Variants in XPNPEP3 observed in about 807,000 individuals in gnomAD.
The protein encoded by XPNPEP3 is X-prolyl aminopeptidase 3, also known as xaa-Pro aminopeptidase 3.
XPNPEP3 carries 41 observed loss-of-function variants against 60.0 expected under a neutral mutation model. The observed-to-expected ratio is 0.68, with a 90% CI of 0.53 to 0.89. XPNPEP3 has a LOEUF of 0.89. XPNPEP3 is among the 40% of genes least tolerant of loss of function. XPNPEP3 has a pLI of 0.00. For missense variants in XPNPEP3, 598 were observed against 638.9 expected (o/e 0.94, Z 0.69); for synonymous variants, 212 against 223.2 (o/e 0.95, Z 0.45).
At chr22:40,892,279 G>A (rs2058091263) in intron 4 of XPNPEP3, among the ~76,000 whole-genome samples, 1 of 152,046 alleles carries the variant, frequency 6.6e-6, no homozygotes, top group African/African-American at 2.4e-5. Flanking sequence ...CCGCCTCCCA[G>A]GTTCAAGGGA....
In XPNPEP3 at chr22:40,927,408, A is replaced by T; in HGVS notation, c.*973A>T. Reference sequence around the variant, plus strand: ...AGAATTGCTTGAACCTGGGAGGTGGAGGTTGCAGTGAGCTGAGCTCATGCG... The same window carrying T: ...AGAATTGCTTGAACCTGGGAGGTGGTGGTTGCAGTGAGCTGAGCTCATGCG... On this transcript the variant is annotated 3_prime_UTR_variant, in exon 10 of 10. Transcript: ENST00000357137. The T allele has an allele frequency of 6.6e-6, 1 of 152,360 alleles. No homozygotes were observed. Among genetic ancestry groups the T allele is most frequent in the Non-Finnish European group, 1.5e-5 (1 of 68,108 alleles). 9.4% of individuals were successfully genotyped at this position (152,360 alleles called of 1,614,324 possible).
At chr22:40,922,574 C>T (rs1221945868) in intron 8 of XPNPEP3, 61 bp downstream of exon 8, 2 of 1,579,056 alleles carry the variant, frequency 1.3e-6, no homozygotes, top group Non-Finnish European at 1.7e-6. Context: ...AGGTTTTTAC[C>T]CTATATAAAG....
chr22:40,914,267 G>T lies in XPNPEP3; in HGVS notation c.998G>T (p.Gly333Val). The T allele has an allele frequency of 1.2e-6, 2 of 1,614,058 alleles. No homozygotes were observed. Among genetic ancestry groups the T allele is most frequent in the Non-Finnish European group, 1.7e-6 (2 of 1,179,996 alleles). ...GGGGAAATGGTGCTTCTGGATGGAG[G>T]TTGTGAGTCTTCCTGCTATGTGAGT... ...KDGEMVLLDG[G>V]CESSCYVSDI... The change falls in exon 7 of 10, where the codon GGT becomes GTT. Residue 333 changes from glycine to valine, a missense_variant. Gly to Val is a moderately radical substitution (Grantham distance 109, BLOSUM62 -3). Transcript: ENST00000357137.
intron 5 of XPNPEP3, 140 bp downstream of exon 5, chr22:40,907,789 T>C (rs2058162043): frequency 1.2e-6 from 1 of 839,394 alleles, no homozygotes; most frequent in South Asian, 1.5e-5. Context: ...GAAATATCAC[T>C]GGTCATTTAT....
chr22:40,918,266 T>TA (rs2058203799), intron 7 of XPNPEP3, among the ~76,000 whole-genome samples: 1 of 151,986 alleles, frequency 6.6e-6, no homozygotes, highest in South Asian at 2.1e-4. Context: ...CCCAGCTACT[T>TA]AGGATGCTGA....
intron 2 of XPNPEP3, among the ~76,000 whole-genome samples, chr22:40,872,049 G>T (rs1245279525): frequency 6.6e-6 from 1 of 152,006 alleles, no homozygotes; most frequent in Non-Finnish European, 1.5e-5. Flanking sequence ...AAAAACAAAA[G>T]TGAAATTACT....
In XPNPEP3 at chr22:40,931,500, G is replaced by C. The variant is rs1266677107; in HGVS notation, c.*5065G>C. 2 of 152,348 alleles carry C rather than the reference G, an allele frequency of 1.3e-5. No individual in the cohort carries two copies. Among genetic ancestry groups the C allele is most frequent in the East Asian group, 3.9e-4 (2 of 5,184 alleles). 9.4% of individuals were successfully genotyped at this position (152,348 alleles called of 1,614,324 possible). A position where few individuals can be genotyped will look rare whatever the true frequency, so the allele number is the denominator to read the frequency against. ...AGACCAAGGAGGGATGGTCACTTGA[G>C]CCCAGGAGTTTGAGACCAGCCTAGG... On this transcript the variant is annotated 3_prime_UTR_variant, in exon 10 of 10. Coordinates refer to ENST00000357137, the MANE Select transcript of XPNPEP3 (RefSeq NM_022098.4).
chr22:40,861,318 CTATT>C, intron 1 of XPNPEP3: 3 of 1,614,140 alleles, frequency 1.9e-6, no homozygotes, highest in Non-Finnish European at 2.5e-6. Flanking sequence ...ATTGGCCACA[CTATT>C]TACAAGAAAA....
chr22:40,870,022 G>T (rs773210153), intron 2 of XPNPEP3: 5 of 470,604 alleles, frequency 1.1e-5, no homozygotes, highest in Non-Finnish European at 1.8e-5. Context: ...CTCAGTGAGG[G>T]CTTCCTTTTG....
intron 1 of XPNPEP3, among the ~76,000 whole-genome samples, chr22:40,867,579 T>C (rs184080478): frequency 6.3e-4 from 95 of 151,818 alleles, no homozygotes; most frequent in Middle Eastern, 6.8e-3. Context: ...CTGGGCAACA[T>C]AGTGAGACCT....
chr22:40,858,599 T>C (rs2057920483), intron 1 of XPNPEP3, among the ~76,000 whole-genome samples: 1 of 145,520 alleles, frequency 6.9e-6, no homozygotes, highest in Admixed American at 6.9e-5. Flanking sequence ...GCGCGATCTC[T>C]TGCCTTACTG....
intron 4 of XPNPEP3, among the ~76,000 whole-genome samples, chr22:40,891,179 C>CAA (rs989825018): frequency 4.6e-3 from 202 of 43,700 alleles, no homozygotes; most frequent in African/African-American, 9.0e-3. Flanking sequence ...CCCATTTCTA[C>CAA]AAAAAAAAAA....
At chr22:40,914,838 C>A (rs1276940334) in intron 7 of XPNPEP3, among the ~76,000 whole-genome samples, 1 of 151,840 alleles carries the variant, frequency 6.6e-6, no homozygotes, top group Non-Finnish European at 1.5e-5. Flanking sequence ...ATTATAAAAT[C>A]TGGACAAAAT....
intron 1 of XPNPEP3, among the ~76,000 whole-genome samples, chr22:40,868,428 C>CAT (rs1555887939): frequency 8.3e-5 from 12 of 144,676 alleles, no homozygotes; most frequent in African/African-American, 2.5e-4. Flanking sequence ...TATATGTGTG[C>CAT]GTGTGTGTGT....
intron 6 of XPNPEP3, among the ~76,000 whole-genome samples, chr22:40,911,480 C>G (rs1238234341): frequency 6.8e-6 from 1 of 147,320 alleles, no homozygotes; most frequent in South Asian, 2.1e-4. Context: ...TATTTTCCTT[C>G]GTGCACTTTT....
chr22:40,930,164 C>G lies in XPNPEP3; in HGVS notation c.*3729C>G, dbSNP rs1452847192. The G allele has an allele frequency of 7.1e-6, 1 of 141,050 alleles. No individual in the cohort carries two copies. The highest frequency in any genetic ancestry group is 1.5e-5 in the Non-Finnish European group (1 of 66,542). 8.7% of individuals were successfully genotyped at this position (141,050 alleles called of 1,614,324 possible). ...TTTTTTTTTGAGATGGAGTCTCGCT[C>G]TGTCACCCAGGCTGGAGTGCAGTGG... On this transcript the variant is annotated 3_prime_UTR_variant, in exon 10 of 10. Coordinates refer to ENST00000357137, the MANE Select transcript of XPNPEP3 (RefSeq NM_022098.4).
chr22:40,926,514 C>CT lies in XPNPEP3; in HGVS notation c.*80dup. On this transcript the variant is annotated 3_prime_UTR_variant, in exon 10 of 10. Transcript: ENST00000357137. ...CCCTGCACGTGTGCTTTCTGAGTGTCTCTGTGTGTGCATTAATATATGCAT... is the reference window on the plus strand; with the variant it reads ...CCCTGCACGTGTGCTTTCTGAGTGTCTTCTGTGTGTGCATTAATATATGCAT... The CT allele has an allele frequency of 6.6e-7, 1 of 1,513,546 alleles. No individual in the cohort carries two copies. Among genetic ancestry groups the CT allele is most frequent in the Admixed American group, 1.7e-5 (1 of 59,874 alleles). The allele number at this position is 1,513,546 out of a possible 1,614,324, so 93.8% of individuals were successfully genotyped here.
At chr22:40,910,238 C>G (rs1443606741) in intron 6 of XPNPEP3, among the ~76,000 whole-genome samples, 1 of 152,156 alleles carries the variant, frequency 6.6e-6, no homozygotes, top group East Asian at 1.9e-4. Flanking sequence ...ATCCCACTTC[C>G]TCCCTCCCAA....
At chr22:40,921,323 GTTCCCAGC>G (rs2058215753) in intron 7 of XPNPEP3, among the ~76,000 whole-genome samples, 1 of 152,048 alleles carries the variant, frequency 6.6e-6, no homozygotes, top group Non-Finnish European at 1.5e-5. Flanking sequence ...GGAGTTCATT[GTTCCCAGC>G]TTCAATAGGT....
Sources: allele counts gnomAD v4.1 joint callset (sites outside exome capture counted in the v4.1 genomes callset), GRCh38; gene constraint gnomAD v4.1.1; transcripts MANE v1.5; gene names NCBI Gene and HGNC (gene_info 2026-07-23, HGNC 2026-07-21).